A1BG: variants seen among roughly 807,000 people sequenced by gnomAD.
A1BG encodes alpha-1B-glycoprotein.
Under a neutral mutation model 46.0 loss-of-function variants are expected in A1BG, and 44 were observed. That is an observed-to-expected ratio of 0.96 (90% CI 0.75 to 1.23). A1BG has a LOEUF of 1.23. A1BG is among the 50% of genes most tolerant of loss of function. The pLI, the probability that A1BG is intolerant of heterozygous loss-of-function variation, is 0.00. For synonymous variants in A1BG, 316 were observed against 314.7 expected (o/e 1.00, Z -0.04); for missense variants, 707 against 688.8 (o/e 1.03, Z -0.30).
chr19:58,345,444 A>AC lies in A1BG; in HGVS notation c.*1577dup, dbSNP rs2051908730. On this transcript the variant is annotated 3_prime_UTR_variant, in exon 8 of 8. Coordinates refer to ENST00000263100, the MANE Select transcript of A1BG (RefSeq NM_130786.4). ...TTTGGGAGGCTGAGGCGGGTGGATCACTTGAGCTCAGGAGTTGGAGACCAG... is the reference window on the plus strand; with the variant it reads ...TTTGGGAGGCTGAGGCGGGTGGATCACCTTGAGCTCAGGAGTTGGAGACCAG... 1 of 152,172 alleles carries AC rather than the reference A, an allele frequency of 6.6e-6. No homozygotes were observed. Among genetic ancestry groups the AC allele is most frequent in the African/African-American group, 2.4e-5 (1 of 41,440 alleles). The allele number at this position is 152,172 out of a possible 1,614,324, so 9.4% of individuals were successfully genotyped here. A position where few individuals can be genotyped will look rare whatever the true frequency, so the allele number is the denominator to read the frequency against.
rs1415982390 is a variant in A1BG at position 58,351,798 on chromosome 19, T to TTC, written c.614-112_614-111insGA. The TTC allele has an allele frequency of 8.0e-6, 8 of 996,420 alleles. No homozygotes were observed. In the East Asian group the frequency reaches 2.4e-4, roughly 29 times the overall value. 61.7% of individuals were successfully genotyped at this position (996,420 alleles called of 1,614,324 possible). On this transcript the variant is annotated intron_variant, in intron 4 of 7. Coordinates refer to ENST00000263100, the MANE Select transcript of A1BG (RefSeq NM_130786.4). ...ATCCCAGGAACACCCTTCCATTCTT[T>TTC]TTTTTTTTTTTTTTTGAAACGGAGT...
rs2051916218 is a variant in A1BG at position 58,346,816 on chromosome 19, G to A, written c.*206C>T. 2.9e-6 allele frequency: 2 copies of A among 691,324 alleles called. No homozygotes were observed. Among genetic ancestry groups the A allele is most frequent in the South Asian group, 3.2e-5 (2 of 62,280 alleles). The allele number at this position is 691,324 out of a possible 1,614,324, so 42.8% of individuals were successfully genotyped here. On this transcript the variant is annotated 3_prime_UTR_variant, in exon 8 of 8. Coordinates refer to ENST00000263100, the MANE Select transcript of A1BG (RefSeq NM_130786.4). Reference sequence around the variant, plus strand: ...CAGAACCCATCCACTTTGAGGACACGAGATCCCAGCCCACTCAGCCCTGGG... The same window carrying A: ...CAGAACCCATCCACTTTGAGGACACAAGATCCCAGCCCACTCAGCCCTGGG...
intron 5 of A1BG, 88 bp downstream of exon 5, chr19:58,351,300 GAGC>G: frequency 1.3e-6 from 2 of 1,502,532 alleles, no homozygotes; most frequent in Non-Finnish European, 1.8e-6. Context: ...CCCTGGCCCA[GAGC>G]ACTGCACTTC....
At position 58,353,146 on chromosome 19, in the gene A1BG, G is replaced by C. The variant is rs1568555023; in HGVS notation, c.122C>G (p.Pro41Arg). 6.2e-7 allele frequency: 1 copy of C among 1,614,176 alleles called. No homozygotes were observed. Among genetic ancestry groups the C allele is most frequent in the South Asian group, 1.1e-5 (1 of 91,086 alleles). Residue 41 changes from proline to arginine, a missense_variant, in exon 3 of 8, where the codon CCC becomes CGC. Transcript: ENST00000263100. ...LWAESESLLK[P>R]LANVTLTCQA... ...GCACGTCAGCGTCACATTGGCCAAG[G>C]GTTTCAGCAGTGATTCGGACTCTGC... is the stretch of plus-strand genomic sequence containing the variant.
Position 58,352,980 on chromosome 19 carries a change from G to C in A1BG, c.288C>G (p.Gly96=), listed in dbSNP as rs1219142450. 6.2e-7 allele frequency: 1 copy of C among 1,613,884 alleles called. No individual in the cohort carries two copies. Among genetic ancestry groups the C allele is most frequent in the Non-Finnish European group, 8.5e-7 (1 of 1,180,040 alleles). The change falls in exon 3 of 8, where the codon GGC becomes GGG. Residue 96 remains glycine, a synonymous_variant. Coordinates refer to ENST00000263100, the MANE Select transcript of A1BG (RefSeq NM_130786.4). The part of the protein sequence containing the change: ...DTQGRYRCRS[G]LSTGWTQLSK... ...TCAGCTGGGTCCATCCTGTGGACAA[G>C]CCCGAGCGGCAGCGGTAGCGGCCCT... is the stretch of plus-strand genomic sequence containing the variant.
At chr19:58,350,278 G>A (rs2051945270) in intron 6 of A1BG, 92 bp downstream of exon 6, 2 of 1,418,710 alleles carry the variant, frequency 1.4e-6, no homozygotes, top group African/African-American at 1.5e-5. Context: ...CCAGAGCGCC[G>A]CCGTCGGACG....
At chr19:58,353,371 C>T (rs747919949) in intron 1 of A1BG, 33 bp downstream of exon 1, 30 of 1,611,348 alleles carry the variant, frequency 1.9e-5, no homozygotes, top group Admixed American at 1.5e-4. Flanking sequence ...CGCCCCCTCC[C>T]GCCCCAGGGA....
intron 6 of A1BG, 49 bp from the exon 7 acceptor site, chr19:58,347,689 C>CCCCGGGCCGCG (rs1555779295): frequency 1.6e-5 from 7 of 430,828 alleles, no homozygotes; most frequent in Non-Finnish European, 2.2e-5. Context: ...CCAGGCCACG[C>CCCCGGGCCGCG]CCCAGGCCAC....
At chr19:58,352,657 G>A in intron 3 of A1BG, 102 bp from the exon 4 acceptor site, 1 of 1,427,818 alleles carries the variant, frequency 7.0e-7, no homozygotes, top group Admixed American at 2.1e-5. Context: ...AAGGAGACAG[G>A]GATGGAGGGC....
chr19:58,346,990 G>A lies in A1BG; in HGVS notation c.*32C>T. On this transcript the variant is annotated 3_prime_UTR_variant, in exon 8 of 8. Coordinates refer to ENST00000263100, the MANE Select transcript of A1BG (RefSeq NM_130786.4). ...GTCCAGAATCCCCGGCACTTCTGAGGACACCAACAGCACCCTGGGCCCGCG... is the reference window on the plus strand; with the variant it reads ...GTCCAGAATCCCCGGCACTTCTGAGAACACCAACAGCACCCTGGGCCCGCG... 2 of 1,613,928 alleles carry A rather than the reference G, an allele frequency of 1.2e-6. No individual in the cohort carries two copies. The highest frequency in any genetic ancestry group is 1.7e-6 in the Non-Finnish European group (2 of 1,179,836).
At chr19:58,350,214 G>C in intron 6 of A1BG, 156 bp downstream of exon 6, 1 of 994,448 alleles carries the variant, frequency 1.0e-6, no homozygotes, top group Non-Finnish European at 1.4e-6. Flanking sequence ...CCAGACCCTC[G>C]ACCACCGATC....
In A1BG at chr19:58,352,284, G is replaced by C. The variant is rs1321608967; in HGVS notation, c.612C>G (p.Leu204=). The C allele has an allele frequency of 6.2e-7, 1 of 1,613,110 alleles. No homozygotes were observed. The highest frequency in any genetic ancestry group is 1.1e-5 in the South Asian group (1 of 91,038). The change falls in exon 4 of 8, where the codon CTC becomes CTG. Residue 204 remains leucine (L), a splice_region_variant and synonymous_variant. Transcript: ENST00000263100. ...CCCAGAGATGGTTCCCACAGTCACC[G>C]AGCTCCTCAATGGTCACAGTAGCGC... The part of the protein sequence containing the change: ...EPSATVTIEE[L]AAPPPPVLMH...
Position 58,352,212 on chromosome 19 carries a change from C to T in A1BG, c.613+71G>A, listed in dbSNP as rs145680494. 307 of 1,569,308 alleles carry T rather than the reference C, an allele frequency of 2.0e-4. 1 individual carries two copies. In the East Asian group the frequency reaches 6.3e-3, roughly 32 times the overall value. Reference sequence around the variant, plus strand: ...GGGCAAGGACATTCAGCATGGAGGTCAGGATGAATGTGGTCATGCCCCCTG... The same window carrying T: ...GGGCAAGGACATTCAGCATGGAGGTTAGGATGAATGTGGTCATGCCCCCTG... On this transcript the variant is annotated intron_variant, in intron 4 of 7. Transcript: ENST00000263100.
intron 6 of A1BG, chr19:58,347,863 C>T: frequency 3.0e-6 from 1 of 333,352 alleles, no homozygotes; most frequent in Non-Finnish European, 5.4e-6. Flanking sequence ...CCCCGCACCC[C>T]TCCCCCAGGA....
chr19:58,350,933 A>C, intron 5 of A1BG: 1 of 431,466 alleles, frequency 2.3e-6, no homozygotes, highest in Non-Finnish European at 4.1e-6. Flanking sequence ...CTGGTGCACG[A>C]TGCCGCTCAG....
Position 58,347,589 on chromosome 19 carries a change from G to T in A1BG, c.1244C>A (p.Ala415Glu). Residue 415 changes from alanine to glutamate, a missense_variant, in exon 7 of 8, where the codon GCG becomes GAG. By Grantham distance (107) the Ala-to-Glu change is moderately radical. Coordinates refer to ENST00000263100, the MANE Select transcript of A1BG (RefSeq NM_130786.4). ...GCAGCGCAGGACGGCATCTCGGCCC[G>T]CCAGGACCGCCCCACTCCACGTCGC... ...LRATWSGAVL[A>E]GRDAVLRCEG... 2 of 1,512,588 alleles carry T rather than the reference G, an allele frequency of 1.3e-6. No homozygotes were observed. Among genetic ancestry groups the T allele is most frequent in the Non-Finnish European group, 1.8e-6 (2 of 1,135,954 alleles). 93.7% of individuals were successfully genotyped at this position (1,512,588 alleles called of 1,614,324 possible). A position where few individuals can be genotyped will look rare whatever the true frequency, so the allele number is the denominator to read the frequency against.
rs892699925 is a variant in A1BG, at chr19:58,352,381, A to G, written c.515T>C (p.Phe172Ser). Residue 172 changes from phenylalanine to serine, a missense_variant, in exon 4 of 8, where the codon TTT becomes TCT. Coordinates refer to ENST00000263100, the MANE Select transcript of A1BG (RefSeq NM_130786.4). ...GTAGTTGCCAGGCTGATGGACTGGA[A>G]AGGTGGCCTCCACATCCTCCTGGGC... Reference protein sequence around the residue: ...PEAQEDVEATFPVHQPGNYSC... With the variant: ...PEAQEDVEATSPVHQPGNYSC... 4 of 1,613,832 alleles carry G rather than the reference A, an allele frequency of 2.5e-6. No homozygotes were observed.
rs781427043 is a variant in A1BG at position 58,353,419 on chromosome 19, A to G, written c.19T>C (p.Phe7Leu). The change falls in exon 1 of 8, where the codon TTT becomes CTT. Residue 7 changes from phenylalanine (F) to leucine (L), a missense_variant. Phe to Leu is a conservative substitution (Grantham distance 22). Coordinates refer to ENST00000263100, the MANE Select transcript of A1BG (RefSeq NM_130786.4). MSMLVV[F>L]LLLWGVTWGP... The stretch of plus-strand genomic sequence containing the variant: ...GAGGCCTCACCCCACAGCAAGAGAA[A>G]GACCACGAGCATGGACATGATGGTC... The G allele has an allele frequency of 6.2e-7, 1 of 1,612,736 alleles. No individual in the cohort carries two copies. The highest frequency in any genetic ancestry group is 1.7e-5 in the Admixed American group (1 of 59,822).
At chr19:58,347,136 G>T in intron 7 of A1BG, 107 bp from the exon 8 acceptor site, 1 of 1,458,930 alleles carries the variant, frequency 6.9e-7, no homozygotes, top group Non-Finnish European at 9.4e-7. Flanking sequence ...AAGGAAGCGC[G>T]TGGTCGGCTG....
Sources: allele counts gnomAD v4.1 joint callset, GRCh38; gene constraint gnomAD v4.1.1; transcripts MANE v1.5; gene names NCBI Gene and HGNC (gene_info 2026-07-23, HGNC 2026-07-21).